ARHGAP15: variants seen among roughly 807,000 people sequenced by gnomAD.
ARHGAP15 encodes Rho GTPase activating protein 15.
In ARHGAP15, 51 loss-of-function variants were observed where a neutral mutation model predicts 63.7. The observed-to-expected ratio is 0.80, with a 90% CI of 0.64 to 1.01. ARHGAP15 has a LOEUF of 1.01. Ranked by LOEUF, ARHGAP15 falls within the 50% of genes least tolerant of loss-of-function variation. ARHGAP15 has a pLI of 0.00. For synonymous variants in ARHGAP15, 191 were observed against 193.8 expected, an observed-to-expected ratio of 0.99 and a Z score of 0.12; for missense variants, 560 against 564.6, an observed-to-expected ratio of 0.99 and a Z score of 0.08.
At chr2:143,133,954 T>C (rs1282396853) in intron 1 of ARHGAP15, among the ~76,000 whole-genome samples, 1 of 152,200 alleles carries the variant, frequency 6.6e-6, no homozygotes, top group East Asian at 1.9e-4. Context: ...ATAACAAAAC[T>C]AAGGAACTAA....
chr2:143,154,371 T>A (rs1689996257), intron 1 of ARHGAP15, among the ~76,000 whole-genome samples: 1 of 151,906 alleles, frequency 6.6e-6, no homozygotes, highest in Admixed American at 6.6e-5. Context: ...GCTTGGCCAT[T>A]AGAATGAATG....
At chr2:143,637,110 C>A (rs569479930) in intron 12 of ARHGAP15, among the ~76,000 whole-genome samples, 22 of 152,148 alleles carry the variant, frequency 1.4e-4, no homozygotes, top group Admixed American at 5.2e-4. Context: ...TGTTGCCCCC[C>A]CCAAAGACCC....
At chr2:143,690,417 A>G (rs556110576) in intron 12 of ARHGAP15, among the ~76,000 whole-genome samples, 1 of 152,296 alleles carries the variant, frequency 6.6e-6, no homozygotes, top group African/African-American at 2.4e-5. Context: ...TTTGCAATCA[A>G]ATTCTTCCTT....
At chr2:143,745,952 C>A (rs545539024) in intron 13 of ARHGAP15, among the ~76,000 whole-genome samples, 4 of 152,262 alleles carry the variant, frequency 2.6e-5, no homozygotes, top group African/African-American at 9.6e-5. Flanking sequence ...GTTGATCTTT[C>A]GTTCCAGTAA....
intron 6 of ARHGAP15, among the ~76,000 whole-genome samples, chr2:143,351,612 A>T (rs1685575401): frequency 6.6e-6 from 1 of 152,094 alleles, no homozygotes; most frequent in African/African-American, 2.4e-5. Flanking sequence ...ACCTGGCGGG[A>T]TAGGCGATGT....
chr2:143,383,390 G>A (rs1687139297), intron 6 of ARHGAP15, among the ~76,000 whole-genome samples: 1 of 152,076 alleles, frequency 6.6e-6, no homozygotes, highest in African/African-American at 2.4e-5. Context: ...TTAAGAATTA[G>A]AAATAGCCAT....
rs190638604 is a variant in ARHGAP15 at position 143,177,456 on chromosome 2, C to T, written c.165+21801C>T. On this transcript the variant is annotated intron_variant, in intron 2 of 13. Transcript: ENST00000295095. ...CATTCAGGTCAGACAACATAAAGAACATCCACTAAAAGTTTTGACAACAGA... is the reference window on the plus strand; with the variant it reads ...CATTCAGGTCAGACAACATAAAGAATATCCACTAAAAGTTTTGACAACAGA... Among the ~76,000 whole-genome samples, 3 of 136,740 alleles carry T rather than the reference C, an allele frequency of 2.2e-5. No homozygotes were observed. In the Admixed American group the frequency reaches 2.2e-4, roughly 10 times the overall value. The allele number at this position is 136,740 out of a possible 152,430, so 89.7% of individuals were successfully genotyped here.
intron 6 of ARHGAP15, among the ~76,000 whole-genome samples, chr2:143,417,063 T>G (rs1043929738): frequency 3.3e-5 from 5 of 151,976 alleles, no homozygotes; most frequent in African/African-American, 9.7e-5. Flanking sequence ...AAGTTGCCAT[T>G]GAGGTGAAAA....
rs189873904 is a variant in ARHGAP15 at position 143,365,697 on chromosome 2, G to A, written c.475-69904G>A. Among the ~76,000 whole-genome samples the A allele has an allele frequency of 7.8e-4, 119 of 152,000 alleles. 1 individual carries two copies. The highest frequency in any genetic ancestry group is 2.4e-3 in the Admixed American group (36 of 15,286). Reference sequence around the variant, plus strand: ...TTGCCTTCTCACTTAGGTCATACAGGACCTTAGACAAGTTTTTTAACATCG... The same window carrying A: ...TTGCCTTCTCACTTAGGTCATACAGAACCTTAGACAAGTTTTTTAACATCG... On this transcript the variant is annotated intron_variant, in intron 6 of 13. Coordinates refer to ENST00000295095, the MANE Select transcript of ARHGAP15 (RefSeq NM_018460.4).
chr2:143,752,986 T>A (rs186016498), intron 13 of ARHGAP15, among the ~76,000 whole-genome samples: 157 of 151,956 alleles, frequency 1.0e-3, no homozygotes, highest in East Asian at 1.9e-3. Context: ...AACAAAAAAA[T>A]TTTTTTTAAT....
intron 8 of ARHGAP15, among the ~76,000 whole-genome samples, chr2:143,472,283 T>A (rs908550351): frequency 9.9e-5 from 15 of 152,220 alleles, no homozygotes; most frequent in African/African-American, 3.1e-4. Flanking sequence ...TATATTTTTT[T>A]AAAATTATTA....
At chr2:143,461,019 G>C (rs1690905426) in intron 8 of ARHGAP15, among the ~76,000 whole-genome samples, 1 of 152,114 alleles carries the variant, frequency 6.6e-6, no homozygotes, top group South Asian at 2.1e-4. Flanking sequence ...GCTGGGCATG[G>C]TGGCGCACGC....
Position 143,671,777 on chromosome 2 carries a change from G to A in ARHGAP15, c.1139-31642G>A, listed in dbSNP as rs1360790081. Among the ~76,000 whole-genome samples, 5 of 152,104 alleles carry A rather than the reference G, an allele frequency of 3.3e-5. No individual in the cohort carries two copies. In the South Asian group the frequency reaches 1.0e-3, roughly 32 times the overall value. ...GTATAATCTTTAAAGATGTCATTAT[G>A]CAGCATATTCAACTGTCTCCTAACA... On this transcript the variant is annotated intron_variant, in intron 12 of 13. Transcript: ENST00000295095.
chr2:143,379,784 A>G (rs5026760), intron 6 of ARHGAP15, among the ~76,000 whole-genome samples: 23,284 of 151,878 alleles, frequency 0.15, 2,030 homozygotes, highest in Non-Finnish European at 0.16. Flanking sequence ...TTTAAGTAGG[A>G]AAAATAATGA....
intron 13 of ARHGAP15, among the ~76,000 whole-genome samples, chr2:143,764,977 CT>C (rs994944831): frequency 6.6e-6 from 1 of 152,104 alleles, no homozygotes; most frequent in African/African-American, 2.4e-5. Context: ...CCTCTGAGCC[CT>C]GTTCTCTGCT....
intron 12 of ARHGAP15, among the ~76,000 whole-genome samples, chr2:143,673,750 GTGTGTGTGTATATATA>G (rs1447068041): frequency 0.01 from 356 of 34,664 alleles, 6 homozygotes; most frequent in African/African-American, 0.021. Context: ...GTGTGTGTGT[GTGTGTGTGTATATATA>G]TATATATATA....
chr2:143,606,604 G>A (rs189369248), intron 11 of ARHGAP15: 34 of 152,296 alleles, frequency 2.2e-4, no homozygotes, highest in African/African-American at 8.2e-4. Context: ...TTCAACCACT[G>A]TATATAGACA....
intron 3 of ARHGAP15, among the ~76,000 whole-genome samples, chr2:143,210,831 T>C (rs1692533395): frequency 6.6e-6 from 1 of 152,158 alleles, no homozygotes; most frequent in African/African-American, 2.4e-5. Context: ...TTCTTTGCTT[T>C]TCTTCTACTC....
At chr2:143,528,686 ATGT>A (rs998516266) in intron 10 of ARHGAP15, among the ~76,000 whole-genome samples, 8 of 152,194 alleles carry the variant, frequency 5.3e-5, no homozygotes, top group Admixed American at 2.6e-4. Flanking sequence ...TTTTAAAATG[ATGT>A]TGTTCTTGTT....
Sources: gnomAD v4.1 joint callset for allele counts (sites outside exome capture counted in the v4.1 genomes callset) on GRCh38, gnomAD v4.1.1 for gene constraint, MANE v1.5 for transcripts, NCBI Gene and HGNC (gene_info 2026-07-23, HGNC 2026-07-21) for gene names.